Variants in IGSF9 observed in about 807,000 individuals in gnomAD.
IGSF9 encodes the protein immunoglobulin superfamily member 9, also known as protein turtle homolog A.
A neutral mutation model predicts 121.7 loss-of-function variants in IGSF9; 87 were observed. That is an observed-to-expected ratio of 0.71 (90% CI 0.60 to 0.85). The LOEUF (loss-of-function observed/expected upper bound fraction) is 0.85. IGSF9 is among the 40% of genes least tolerant of loss of function. The pLI is 0.00. For synonymous variants in IGSF9, 640 were observed against 648.4 expected (o/e 0.99, Z 0.20); for missense variants, 1,462 against 1,565.3 (o/e 0.93, Z 1.11).
chr1:159,937,383 G>GC (rs35861479), intron 4 of IGSF9, among the ~76,000 whole-genome samples: 61,380 of 151,830 alleles, frequency 0.4, 12,472 homozygotes, highest in East Asian at 0.46. Context: ...GGGCCCAAGA[G>GC]CCCCTCTCTC....
In IGSF9 at chr1:159,930,339, C is replaced by T. The variant is rs1366445896; in HGVS notation, c.1914G>A (p.Gly638=). The change falls in exon 15 of 21, where the codon GGG becomes GGA. Residue 638 remains glycine, a synonymous_variant. Coordinates refer to ENST00000368094, the MANE Select transcript of IGSF9 (RefSeq NM_001135050.2). ...CTGGGGGATCCCAATGCAGGAGTAC[C>T]CCCCGGGGTGTCCTCACTGCCACCA... is the stretch of plus-strand genomic sequence containing the variant. ...RGLVAVRTPR[G]VLLHWDPPEL... The T allele has an allele frequency of 6.2e-7, 1 of 1,610,174 alleles. No individual in the cohort carries two copies. The highest frequency in any genetic ancestry group is 8.5e-7 in the Non-Finnish European group (1 of 1,177,838).
rs1439793751 is a variant in IGSF9, at chr1:159,930,372, C to T, written c.1881G>A (p.Pro627=). The T allele has an allele frequency of 1.3e-6, 2 of 1,597,066 alleles. No homozygotes were observed. Among genetic ancestry groups the T allele is most frequent in the Admixed American group, 1.7e-5 (1 of 57,986 alleles). ...PTEIPPPLSP[P]RGLVAVRTPR... ...GTGTCCTCACTGCCACCAGACCCCG[C>T]GGAGGGGACAGGGGAGGCGGTATCT... Residue 627 remains proline (P), a synonymous_variant, in exon 15 of 21, where the codon CCG becomes CCA. Transcript: ENST00000368094.
chr1:159,932,414 G>T lies in IGSF9; in HGVS notation c.1245+98C>A. ...AACAAACTTGGAAACCCCTCCCCAT[G>T]TGTCTGCCCCACCCCACCCCCATCA... is the stretch of plus-strand genomic sequence containing the variant. On this transcript the variant is annotated intron_variant, in intron 10 of 20. Coordinates refer to ENST00000368094, the MANE Select transcript of IGSF9 (RefSeq NM_001135050.2). The surrounding 1 kb of genome is among the most constrained non-coding windows in gnomAD (Gnocchi z 4.1). The T allele has an allele frequency of 5.9e-5, 56 of 945,916 alleles. No homozygotes were observed. The highest frequency in any genetic ancestry group is 8.0e-5 in the Non-Finnish European group (50 of 625,282). The allele number at this position is 945,916 out of a possible 1,614,324, so 58.6% of individuals were successfully genotyped here.
rs375167066 is a variant in IGSF9 at position 159,929,680 on chromosome 1, G to A, written c.2284C>T (p.Arg762Trp). ...CGGCGGCGGCGGGCAGCCCTGCGCC[G>A]GTTCAGGAGGCAGCCGGCCAGGATG... ...VSILAGCLLN[R>W]RRAARRRRKR... Residue 762 changes from arginine (R) to tryptophan (W), a missense_variant, in exon 17 of 21, where the codon CGG becomes TGG. Around this residue, in one of 3 missense-constraint regions of IGSF9, gnomAD observed 808 missense variants for 815.2 expected, o/e 0.99. Transcript: ENST00000368094. 4.5e-5 allele frequency: 72 copies of A among 1,596,506 alleles called. No homozygotes were observed. The highest frequency in any genetic ancestry group is 5.9e-5 in the Non-Finnish European group (69 of 1,173,266).
At chr1:159,940,276 C>T (rs1325738123) in intron 3 of IGSF9, among the ~76,000 whole-genome samples, 2 of 152,156 alleles carry the variant, frequency 1.3e-5, no homozygotes, top group Non-Finnish European at 2.9e-5. Flanking sequence ...ATGCTGGTAG[C>T]CAATGGGTAA....
chr1:159,932,441 C>G lies in IGSF9; in HGVS notation c.1245+71G>C, dbSNP rs559674695. On this transcript the variant is annotated intron_variant, in intron 10 of 20. Transcript: ENST00000368094. This position sits in a 1 kb window ranked among gnomAD's most constrained non-coding sequence, Gnocchi z 4.1. ...GTCTGCCCCACCCCACCCCCATCAG[C>G]CTGGCCTTAGCACCATCTCCAGCCA... 52 of 1,492,734 alleles carry G rather than the reference C, an allele frequency of 3.5e-5. No individual in the cohort carries two copies. The African/African-American group carries it at 6.8e-4, about 20-fold the overall frequency. 92.5% of individuals were successfully genotyped at this position (1,492,734 alleles called of 1,614,324 possible). A position where few individuals can be genotyped will look rare whatever the true frequency, so the allele number is the denominator to read the frequency against.
intron 18 of IGSF9, 118 bp downstream of exon 18, chr1:159,929,233 A>G (rs1650879831): frequency 7.1e-7 from 1 of 1,401,704 alleles, no homozygotes; most frequent in Non-Finnish European, 1.0e-6. Flanking sequence ...ACCCTCTCCC[A>G]CTTTTGTTCC....
intron 9 of IGSF9, chr1:159,933,870 C>A: frequency 2.6e-6 from 1 of 383,490 alleles, no homozygotes; most frequent in Non-Finnish European, 4.9e-6. Context: ...GTGTGTGTTC[C>A]CCCGGGACAC....
Position 159,927,068 on chromosome 1 carries a change from A to C in IGSF9, c.*277T>G. The C allele has an allele frequency of 2.0e-6, 1 of 511,790 alleles. No homozygotes were observed. 31.7% of individuals were successfully genotyped at this position (511,790 alleles called of 1,614,324 possible). Reference sequence around the variant, plus strand: ...TTTCAAACTTTGTTTATTCACCTGTAAAAAACTTCACACACACACACACAC... The same window carrying C: ...TTTCAAACTTTGTTTATTCACCTGTCAAAAACTTCACACACACACACACAC... On this transcript the variant is annotated 3_prime_UTR_variant, in exon 21 of 21. Transcript: ENST00000368094.
chr1:159,937,625 C>G, intron 4 of IGSF9, 61 bp downstream of exon 4: 1 of 1,568,864 alleles, frequency 6.4e-7, no homozygotes, highest in Non-Finnish European at 8.8e-7. Flanking sequence ...CTCCCACCAG[C>G]CAGAGATCCC....
In IGSF9 at chr1:159,932,722, G is replaced by A; in HGVS notation, c.1105-70C>T. 1 of 1,498,326 alleles carries A rather than the reference G, an allele frequency of 6.7e-7. No individual in the cohort carries two copies. The highest frequency in any genetic ancestry group is 9.0e-7 in the Non-Finnish European group (1 of 1,105,140). The allele number at this position is 1,498,326 out of a possible 1,614,324, so 92.8% of individuals were successfully genotyped here. A position where few individuals can be genotyped will look rare whatever the true frequency, so the allele number is the denominator to read the frequency against. On this transcript the variant is annotated intron_variant, in intron 9 of 20. Transcript: ENST00000368094. This position sits in a 1 kb window ranked among gnomAD's most constrained non-coding sequence, Gnocchi z 4.1. ...AGACAAGCCCGGGATGGCAGTACAA[G>A]AGAGGGGGCAGGATGAGAAACCCAC... is the stretch of plus-strand genomic sequence containing the variant.
chr1:159,928,514 G>A lies in IGSF9; in HGVS notation c.2874C>T (p.Thr958=), dbSNP rs374801235. 1 of 1,567,812 alleles carries A rather than the reference G, an allele frequency of 6.4e-7. No individual in the cohort carries two copies. Among genetic ancestry groups the A allele is most frequent in the South Asian group, 1.2e-5 (1 of 84,756 alleles). The change falls in exon 19 of 21, where the codon ACC becomes ACT. Residue 958 remains threonine (T), a synonymous_variant. Coordinates refer to ENST00000368094, the MANE Select transcript of IGSF9 (RefSeq NM_001135050.2). ...GGAAAGATGAGGTGGGACAGCGCCGGGTATCCATGTAATCTGGGGGTGCAG... is the reference window on the plus strand; with the variant it reads ...GGAAAGATGAGGTGGGACAGCGCCGAGTATCCATGTAATCTGGGGGTGCAG... ...SPAAPPDYMD[T]RRCPTSSFLR...
Position 159,928,698 on chromosome 1 carries a change from G to C in IGSF9, c.2690C>G (p.Pro897Arg), listed in dbSNP as rs751840592. The C allele has an allele frequency of 2.7e-6, 4 of 1,478,770 alleles. No individual in the cohort carries two copies. Among genetic ancestry groups the C allele is most frequent in the Non-Finnish European group, 3.6e-6 (4 of 1,113,176 alleles). 91.6% of individuals were successfully genotyped at this position (1,478,770 alleles called of 1,614,324 possible). A position where few individuals can be genotyped will look rare whatever the true frequency, so the allele number is the denominator to read the frequency against. ...SSSSPSGAPQ[P>R]LCIEDISPVA... ...AGGGCTGATGTCTTCAATGCAGAGG[G>C]GCTGGGGTGCCCCACTGGGGCTGCT... The change falls in exon 19 of 21, where the codon CCC (proline) becomes CGC (arginine). Residue 897 changes from proline to arginine, a missense_variant. This residue lies in a region of IGSF9 where 808 missense variants were observed against 815.2 expected (regional missense o/e 0.99). Coordinates refer to ENST00000368094, the MANE Select transcript of IGSF9 (RefSeq NM_001135050.2).
chr1:159,931,398 A>T lies in IGSF9; in HGVS notation c.1513+55T>A. The stretch of plus-strand genomic sequence containing the variant: ...CCATGATCCTCTTTCTGGGCCTCCA[A>T]AAACGATTCCCAAGTAGTTTCTCCC... On this transcript the variant is annotated intron_variant, in intron 12 of 20. Coordinates refer to ENST00000368094, the MANE Select transcript of IGSF9 (RefSeq NM_001135050.2). The surrounding 1 kb of genome is among the most constrained non-coding windows in gnomAD (Gnocchi z 4.8). 1 of 1,599,990 alleles carries T rather than the reference A, an allele frequency of 6.3e-7. No individual in the cohort carries two copies. The highest frequency in any genetic ancestry group is 8.5e-7 in the Non-Finnish European group (1 of 1,170,836).
Position 159,931,337 on chromosome 1 carries a change from TG to T in IGSF9, c.1514-77del. ...AGAGTAGCAGGGGCCCCAGGGCCAC[TG>T]ACCTTCACCCATCATCATCCCAGGG... On this transcript the variant is annotated intron_variant, in intron 12 of 20. Coordinates refer to ENST00000368094, the MANE Select transcript of IGSF9 (RefSeq NM_001135050.2). This position sits in a 1 kb window ranked among gnomAD's most constrained non-coding sequence, Gnocchi z 4.8. 1.2e-6 allele frequency: 2 copies of T among 1,603,344 alleles called. No individual in the cohort carries two copies. Among genetic ancestry groups the T allele is most frequent in the Admixed American group, 3.4e-5 (2 of 59,364 alleles).
In IGSF9 at chr1:159,934,339, G is replaced by A. The variant is rs546184038; in HGVS notation, c.962-7C>T. ...GCTGTCACCTGGGCTGGGTCTGGGGGAAAGTAGTGGCAAGTTGGGGGAGAG... is the reference window on the plus strand; with the variant it reads ...GCTGTCACCTGGGCTGGGTCTGGGGAAAAGTAGTGGCAAGTTGGGGGAGAG... On this transcript the variant is annotated splice_polypyrimidine_tract_variant and splice_region_variant and intron_variant, in intron 8 of 20. Transcript: ENST00000368094. 2.8e-5 allele frequency: 45 copies of A among 1,584,116 alleles called. No homozygotes were observed. In the South Asian group the frequency reaches 4.3e-4, roughly 15 times the overall value.
intron 3 of IGSF9, 112 bp downstream of exon 3, chr1:159,942,851 G>A (rs1651436081): frequency 1.2e-6 from 1 of 803,590 alleles, no homozygotes; most frequent in East Asian, 2.6e-5. Flanking sequence ...AGCAGAGCTG[G>A]AGATGAGATC....
At position 159,932,397 on chromosome 1, in the gene IGSF9, T is replaced by G. The variant is rs1354892394; in HGVS notation, c.1245+115A>C. Reference sequence around the variant, plus strand: ...CCGTGGCCACCATGGGAAACAAACTTGGAAACCCCTCCCCATGTGTCTGCC... The same window carrying G: ...CCGTGGCCACCATGGGAAACAAACTGGGAAACCCCTCCCCATGTGTCTGCC... On this transcript the variant is annotated intron_variant, in intron 10 of 20. Coordinates refer to ENST00000368094, the MANE Select transcript of IGSF9 (RefSeq NM_001135050.2). This position sits in a 1 kb window ranked among gnomAD's most constrained non-coding sequence, Gnocchi z 4.1. The G allele has an allele frequency of 8.6e-7, 1 of 1,159,912 alleles. No individual in the cohort carries two copies. Among genetic ancestry groups the G allele is most frequent in the Admixed American group, 2.1e-5 (1 of 48,460 alleles). 71.9% of individuals were successfully genotyped at this position (1,159,912 alleles called of 1,614,324 possible). A position where few individuals can be genotyped will look rare whatever the true frequency, so the allele number is the denominator to read the frequency against.
Position 159,932,041 on chromosome 1 carries a change from CCTAG to C in IGSF9, c.1246-117_1246-114del. ...TCTCACCTCACTCTCCCTCACTCCC[CCTAG>C]CTAAACACTCACCAAGCCTGTCTCT... On this transcript the variant is annotated intron_variant, in intron 10 of 20. Transcript: ENST00000368094. This position sits in a 1 kb window ranked among gnomAD's most constrained non-coding sequence, Gnocchi z 4.1. The C allele has an allele frequency of 1.5e-6, 1 of 673,948 alleles. No homozygotes were observed. The highest frequency in any genetic ancestry group is 2.6e-6 in the Non-Finnish European group (1 of 386,638). The allele number at this position is 673,948 out of a possible 1,614,324, so 41.7% of individuals were successfully genotyped here. A position where few individuals can be genotyped will look rare whatever the true frequency, so the allele number is the denominator to read the frequency against.
Sources: gnomAD v4.1 joint callset for allele counts (sites outside exome capture counted in the v4.1 genomes callset) on GRCh38, gnomAD v4.1.1 for gene constraint, gnomAD v4.1.1 regional missense constraint, Gnocchi (gnomAD v3.1) non-coding constraint, MANE v1.5 for transcripts, NCBI Gene and HGNC (gene_info 2026-07-23, HGNC 2026-07-21) for gene names.